LAMA2: variants seen among roughly 807,000 people sequenced by gnomAD.
LAMA2 encodes the protein laminin subunit alpha-2.
A neutral mutation model predicts 364.8 loss-of-function variants in LAMA2; 269 were observed. The ratio of observed to expected loss-of-function variants is 0.74; its 90% confidence interval spans 0.67 to 0.82. The LOEUF is 0.82. Among genes scored for constraint, LAMA2 ranks in the 40% least tolerant of loss-of-function variants. The pLI, the probability that LAMA2 is intolerant of heterozygous loss-of-function variation, is 0.00. For synonymous variants in LAMA2, 1,379 were observed against 1,370.6 expected, an observed-to-expected ratio of 1.01 and a Z score of -0.14; for missense variants, 3,807 against 3,873.2, an observed-to-expected ratio of 0.98 and a Z score of 0.45.
intron 4 of LAMA2, among the ~76,000 whole-genome samples, chr6:129,133,714 G>A (rs1265772800): frequency 1.3e-5 from 2 of 152,170 alleles, no homozygotes; most frequent in Non-Finnish European, 1.5e-5. Flanking sequence ...GACATCTTGA[G>A]TTTTAAGCTT....
chr6:129,249,143 A>C (rs1390643762), intron 12 of LAMA2, among the ~76,000 whole-genome samples: 2 of 152,154 alleles, frequency 1.3e-5, no homozygotes, highest in African/African-American at 4.8e-5. Context: ...ATTCCCAACC[A>C]GGAATTGCTG....
intron 1 of LAMA2, among the ~76,000 whole-genome samples, chr6:128,916,736 G>A (rs1307765165): frequency 1.3e-5 from 2 of 152,210 alleles, no homozygotes; most frequent in Admixed American, 1.3e-4. Flanking sequence ...AGCAGTGGCT[G>A]TGAGGTTAGC....
At chr6:129,394,007 T>C (rs1779469298) in intron 37 of LAMA2, among the ~76,000 whole-genome samples, 1 of 152,238 alleles carries the variant, frequency 6.6e-6, no homozygotes, top group African/African-American at 2.4e-5. Context: ...TTAAGAGTTC[T>C]GATGGAACTA....
chr6:128,931,554 G>T (rs1392814476), intron 1 of LAMA2, among the ~76,000 whole-genome samples: 1 of 152,118 alleles, frequency 6.6e-6, no homozygotes, highest in Admixed American at 6.5e-5. Flanking sequence ...AAATATCTGA[G>T]AAATGAACTG....
At chr6:129,469,431 T>A (rs1428035784) in intron 51 of LAMA2, among the ~76,000 whole-genome samples, 1 of 151,814 alleles carries the variant, frequency 6.6e-6, no homozygotes, top group African/African-American at 2.4e-5. Context: ...TGACTAAAAT[T>A]AAAAAGACTG....
At chr6:129,437,296 T>C (rs1781878900) in intron 41 of LAMA2, among the ~76,000 whole-genome samples, 1 of 152,110 alleles carries the variant, frequency 6.6e-6, no homozygotes, top group African/African-American at 2.4e-5. Flanking sequence ...GAGATAATAG[T>C]AGTATATACA....
At chr6:129,119,032 G>A (rs547915396) in intron 4 of LAMA2, among the ~76,000 whole-genome samples, 11 of 152,230 alleles carry the variant, frequency 7.2e-5, no homozygotes, top group South Asian at 6.2e-4. Context: ...TGGGATCAGC[G>A]GTCCAAAGAC....
At chr6:128,883,712 G>T (rs777879530) in intron 1 of LAMA2, among the ~76,000 whole-genome samples, 1 of 151,476 alleles carries the variant, frequency 6.6e-6, no homozygotes, top group Non-Finnish European at 1.5e-5. Flanking sequence ...AGCCCATCCT[G>T]CAGAGAAAGG....
At chr6:129,205,534 G>A (rs1289655902) in intron 12 of LAMA2, among the ~76,000 whole-genome samples, 2 of 133,560 alleles carry the variant, frequency 1.5e-5, no homozygotes, top group East Asian at 2.4e-4. Context: ...ACACACACAC[G>A]TGTGTGAAAT....
intron 60 of LAMA2, among the ~76,000 whole-genome samples, chr6:129,503,882 C>T (rs1288847891): frequency 6.6e-6 from 1 of 152,152 alleles, no homozygotes; most frequent in African/African-American, 2.4e-5. Context: ...AAACGTTGGC[C>T]TTACACCCAG....
At chr6:129,242,488 TTTG>T (rs1785460161) in intron 12 of LAMA2, among the ~76,000 whole-genome samples, 1 of 152,168 alleles carries the variant, frequency 6.6e-6, no homozygotes, top group East Asian at 1.9e-4. Flanking sequence ...CGTGTGGCTT[TTTG>T]TTTTCTTGGC....
chr6:129,211,312 G>A (rs1047352052), intron 12 of LAMA2, among the ~76,000 whole-genome samples: 2 of 152,242 alleles, frequency 1.3e-5, no homozygotes, highest in East Asian at 3.9e-4. Flanking sequence ...AATGATTCAA[G>A]ACACTGAACA....
intron 1 of LAMA2, among the ~76,000 whole-genome samples, chr6:129,020,106 A>G (rs1265340659): frequency 2.0e-5 from 3 of 149,304 alleles, no homozygotes; most frequent in Non-Finnish European, 4.5e-5. Flanking sequence ...AAAAAAGAAA[A>G]AAAAAAAAAA....
intron 14 of LAMA2, 30 bp from the exon 15 acceptor site, chr6:129,260,681 A>T (rs550353087): frequency 1.5e-6 from 2 of 1,331,840 alleles, no homozygotes; most frequent in African/African-American, 2.9e-5. Flanking sequence ...AACTTTACTT[A>T]TTCACCATCT....
intron 32 of LAMA2, among the ~76,000 whole-genome samples, chr6:129,358,891 G>C (rs1237908119): frequency 6.6e-6 from 1 of 151,762 alleles, no homozygotes; most frequent in Non-Finnish European, 1.5e-5. Context: ...TCTAATTCTA[G>C]GTTCTTCAAG....
intron 35 of LAMA2, among the ~76,000 whole-genome samples, chr6:129,386,793 G>A (rs1779042035): frequency 6.6e-6 from 1 of 152,028 alleles, no homozygotes; most frequent in Non-Finnish European, 1.5e-5. Flanking sequence ...AGATAAAGTA[G>A]CACACATACC....
At chr6:129,310,098 A>G (rs1282818944) in intron 22 of LAMA2, among the ~76,000 whole-genome samples, 2 of 151,566 alleles carry the variant, frequency 1.3e-5, no homozygotes, top group Admixed American at 1.3e-4. Context: ...ACGGGGTTTC[A>G]CCGTGTTAGC....
At chr6:129,157,133 A>G (rs193059727) in intron 8 of LAMA2, among the ~76,000 whole-genome samples, 29 of 152,246 alleles carry the variant, frequency 1.9e-4, no homozygotes, top group Admixed American at 9.8e-4. Context: ...GGCAAAGTCT[A>G]TTTCTCCAAC....
At chr6:128,980,090 A>C (rs564458745) in intron 1 of LAMA2, among the ~76,000 whole-genome samples, 1 of 152,310 alleles carries the variant, frequency 6.6e-6, no homozygotes, top group African/African-American at 2.4e-5. Context: ...GGGCTCCAGG[A>C]ATCATAATTG....
Sources: allele counts gnomAD v4.1 joint callset (sites outside exome capture counted in the v4.1 genomes callset), GRCh38; gene constraint gnomAD v4.1.1; transcripts MANE v1.5; gene names NCBI Gene and HGNC (gene_info 2026-07-23, HGNC 2026-07-21).